CPNE5: variants seen among roughly 807,000 people sequenced by gnomAD.
The protein encoded by CPNE5 is copine 5.
A neutral mutation model predicts 81.1 loss-of-function variants in CPNE5; 42 were observed. The ratio of observed to expected loss-of-function variants is 0.52; its 90% CI spans 0.40 to 0.67. The LOEUF (loss-of-function observed/expected upper bound fraction) is 0.67. Ranked by LOEUF, CPNE5 falls within the 30% of genes least tolerant of loss-of-function variation. The probability of loss-of-function intolerance (pLI) is 0.00; values close to 1 mark genes in which losing one functional copy is unlikely to be tolerated. For missense variants in CPNE5, 612 were observed against 815.5 expected (o/e 0.75, Z 3.04); for synonymous variants, 313 against 321.5 (o/e 0.97, Z 0.28).
chr6:36,797,901 G>A (rs1327770826), intron 6 of CPNE5, among the ~76,000 whole-genome samples: 2 of 152,236 alleles, frequency 1.3e-5, no homozygotes, highest in East Asian at 1.9e-4. Context: ...TAGGGGTCAG[G>A]GTGGGAATAG....
chr6:36,762,617 G>A (rs1230186663), intron 12 of CPNE5, among the ~76,000 whole-genome samples: 1 of 152,094 alleles, frequency 6.6e-6, no homozygotes, highest in Non-Finnish European at 1.5e-5. Flanking sequence ...GGCTCCCATC[G>A]TGCTCCTATC....
At chr6:36,800,625 C>T (rs1770024024) in intron 3 of CPNE5, among the ~76,000 whole-genome samples, 1 of 152,230 alleles carries the variant, frequency 6.6e-6, no homozygotes. Flanking sequence ...TATTCATGCC[C>T]TTGCATAATC....
chr6:36,798,274 C>T, intron 5 of CPNE5, 33 bp from the exon 6 acceptor site: 1 of 1,596,582 alleles, frequency 6.3e-7, no homozygotes. Flanking sequence ...AGACCAGTGT[C>T]ACCCACTCTG....
chr6:36,808,344 G>A (rs975085537), intron 3 of CPNE5, among the ~76,000 whole-genome samples: 2 of 151,994 alleles, frequency 1.3e-5, no homozygotes, highest in East Asian at 1.9e-4. Context: ...ACCCCCAACC[G>A]TCGGCCTCAC....
chr6:36,839,440 C>A lies in CPNE5; in HGVS notation c.-63G>T, dbSNP rs1162179105. On this transcript the variant is annotated 5_prime_UTR_variant, in exon 1 of 21. Coordinates refer to ENST00000244751, the MANE Select transcript of CPNE5 (RefSeq NM_020939.2). The surrounding 1 kb of genome is among the most constrained non-coding windows in gnomAD (Gnocchi z 7.3). ...TGCGCGATTCACGCCTCCTCCGGAGCGACTGGAGCCCTGGGCTCTCCCCCA... is the reference window on the plus strand; with the variant it reads ...TGCGCGATTCACGCCTCCTCCGGAGAGACTGGAGCCCTGGGCTCTCCCCCA... The A allele has an allele frequency of 7.3e-6, 10 of 1,376,930 alleles. No homozygotes were observed. The highest frequency in any genetic ancestry group is 1.8e-4 in the Middle Eastern group (1 of 5,516). The allele number at this position is 1,376,930 out of a possible 1,614,324, so 85.3% of individuals were successfully genotyped here. A position where few individuals can be genotyped will look rare whatever the true frequency, so the allele number is the denominator to read the frequency against.
Position 36,839,164 on chromosome 6 carries a change from C to G in CPNE5, c.95+119G>C. The G allele has an allele frequency of 1.4e-6, 1 of 719,218 alleles. No individual in the cohort carries two copies. The highest frequency in any genetic ancestry group is 2.2e-6 in the Non-Finnish European group (1 of 454,650). The allele number at this position is 719,218 out of a possible 1,614,324, so 44.6% of individuals were successfully genotyped here. On this transcript the variant is annotated intron_variant, in intron 1 of 20. Transcript: ENST00000244751. This position sits in a 1 kb window ranked among gnomAD's most constrained non-coding sequence, Gnocchi z 7.3. The stretch of plus-strand genomic sequence containing the variant: ...CTTGGCAGATCGGCAGGGGCGCAGT[C>G]CTGGAGACCAGGACACTCTGGGAAG...
At position 36,766,137 on chromosome 6, in the gene CPNE5, G is replaced by T. The variant is rs1766546106; in HGVS notation, c.738-761C>A. 1.3e-5 allele frequency among the ~76,000 whole-genome samples: 2 copies of T among 152,116 alleles called. No individual in the cohort carries two copies. The highest frequency in any genetic ancestry group is 2.1e-4 in the South Asian group (1 of 4,820). On this transcript the variant is annotated intron_variant, in intron 10 of 20. Transcript: ENST00000244751. The surrounding 1 kb of genome is among the most constrained non-coding windows in gnomAD (Gnocchi z 4.2). ...AGGGATGCCCAGGGACAGGGGAGCTGCCAGGGTCCCACAGCAGGGTCAGGT... is the reference window on the plus strand; with the variant it reads ...AGGGATGCCCAGGGACAGGGGAGCTTCCAGGGTCCCACAGCAGGGTCAGGT...
intron 12 of CPNE5, among the ~76,000 whole-genome samples, chr6:36,760,596 G>A (rs1343119876): frequency 8.5e-5 from 13 of 152,334 alleles, no homozygotes. Context: ...GGCGAGCAGT[G>A]TTTGCTCGTG....
At chr6:36,743,619 G>A in intron 20 of CPNE5, 70 bp downstream of exon 20, 2 of 1,464,818 alleles carry the variant, frequency 1.4e-6, no homozygotes, top group South Asian at 1.1e-5. Context: ...GCCCCCAAAG[G>A]GGGTGTGAGG....
intron 4 of CPNE5, 135 bp from the exon 5 acceptor site, chr6:36,798,629 G>T (rs974093774): frequency 4.2e-5 from 31 of 741,668 alleles, no homozygotes; most frequent in Non-Finnish European, 7.2e-5. Context: ...TAGGAGTAAT[G>T]GTTGGAAGAC....
At chr6:36,750,917 T>C (rs1267578567) in intron 14 of CPNE5, among the ~76,000 whole-genome samples, 1 of 152,208 alleles carries the variant, frequency 6.6e-6, no homozygotes, top group Non-Finnish European at 1.5e-5. Context: ...AAGCAGATCC[T>C]CTTGTGGGAA....
chr6:36,831,955 C>A (rs986852117), intron 1 of CPNE5, among the ~76,000 whole-genome samples: 20 of 152,134 alleles, frequency 1.3e-4, no homozygotes, highest in Non-Finnish European at 2.5e-4. Flanking sequence ...AGTGTCCTGG[C>A]CAGGATTCTT....
At chr6:36,818,871 C>T (rs553291463) in intron 3 of CPNE5, among the ~76,000 whole-genome samples, 154 of 152,318 alleles carry the variant, frequency 1.0e-3, no homozygotes, top group African/African-American at 3.5e-3. Flanking sequence ...CAAAGAGTGC[C>T]CTTCTGAAGA....
intron 3 of CPNE5, among the ~76,000 whole-genome samples, chr6:36,818,079 G>T (rs2150577159): frequency 6.6e-6 from 1 of 152,244 alleles, no homozygotes; most frequent in South Asian, 2.1e-4. Flanking sequence ...ACTGAGGCCA[G>T]TCCTGCCCCC....
chr6:36,753,068 A>C lies in CPNE5; in HGVS notation c.937T>G (p.Ser313Ala). Residue 313 changes from serine to alanine, a missense_variant, in exon 14 of 21, where the codon TCA becomes GCA. Ser to Ala is a moderately conservative substitution (Grantham distance 99). Coordinates refer to ENST00000244751, the MANE Select transcript of CPNE5 (RefSeq NM_020939.2). The stretch of plus-strand genomic sequence containing the variant: ...ATGTAGTCAAGGAAGGTGCACTCTG[A>C]CTCCACAGCAAAGGAAAGCAGGGTG... ...TVTLLSFAVE[S>A]ECTFLDYIKG... 2 of 1,613,020 alleles carry C rather than the reference A, an allele frequency of 1.2e-6. No individual in the cohort carries two copies. Among genetic ancestry groups the C allele is most frequent in the South Asian group, 2.2e-5 (2 of 91,036 alleles).
At chr6:36,811,534 G>A (rs974676021) in intron 3 of CPNE5, among the ~76,000 whole-genome samples, 1 of 152,164 alleles carries the variant, frequency 6.6e-6, no homozygotes. Context: ...TGACTTTGGA[G>A]TGCACACTTT....
chr6:36,836,436 C>T (rs1034921983), intron 1 of CPNE5, among the ~76,000 whole-genome samples: 1 of 152,140 alleles, frequency 6.6e-6, no homozygotes, highest in Admixed American at 6.5e-5. Flanking sequence ...AACAAGTGTT[C>T]CTGGGAGCCA....
chr6:36,782,750 C>T (rs1258508211), intron 8 of CPNE5, among the ~76,000 whole-genome samples: 8 of 151,640 alleles, frequency 5.3e-5, no homozygotes, highest in Non-Finnish European at 1.0e-4. Context: ...GCCGAGATTG[C>T]GCCACTACAC....
At chr6:36,806,777 G>A (rs968848370) in intron 3 of CPNE5, among the ~76,000 whole-genome samples, 12 of 152,200 alleles carry the variant, frequency 7.9e-5, no homozygotes, top group African/African-American at 2.4e-4. Context: ...TAACATTCAT[G>A]TCACCAAGAA....
Sources: gnomAD v4.1 joint callset for allele counts (sites outside exome capture counted in the v4.1 genomes callset) on GRCh38, gnomAD v4.1.1 for gene constraint, Gnocchi (gnomAD v3.1) non-coding constraint, MANE v1.5 for transcripts, NCBI Gene and HGNC (gene_info 2026-07-23, HGNC 2026-07-21) for gene names.